The following GLIS3 variants were observed in gnomAD, a reference collection of about 807,000 sequenced individuals.
GLIS3 encodes the protein zinc finger protein GLIS3.
Under a neutral mutation model 78.6 loss-of-function variants are expected in GLIS3, and 53 were observed. The ratio of observed to expected loss-of-function variants is 0.67; its 90% confidence interval spans 0.54 to 0.85. The LOEUF is 0.85. GLIS3 is among the 40% of genes least tolerant of loss of function. The pLI is 0.00. For missense variants in GLIS3, 1,703 were observed against 1,231.1 expected, an observed-to-expected ratio of 1.38 and a Z score of -5.74; for synonymous variants, 684 against 509.9, an observed-to-expected ratio of 1.34 and a Z score of -4.60.
At chr9:4,338,023 G>GGT (rs1563937879) in intron 2 of GLIS3, among the ~76,000 whole-genome samples, 5 of 115,706 alleles carry the variant, frequency 4.3e-5, no homozygotes, top group African/African-American at 1.4e-4. Context: ...GATTGGCAAG[G>GGT]CTGTGTGTGT....
intron 4 of GLIS3, among the ~76,000 whole-genome samples, chr9:4,047,360 G>A (rs1013945475): frequency 3.9e-5 from 6 of 152,142 alleles, no homozygotes; most frequent in Non-Finnish European, 5.9e-5. Context: ...TGATAGTAGT[G>A]TGAAAACGGA....
the GLIS3 span, among the ~76,000 whole-genome samples, chr9:4,362,641 C>T: frequency 0.023 from 3,572 of 152,268 alleles, 157 homozygotes; most frequent in African/African-American, 0.082. Flanking sequence ...CCTTATGCGG[C>T]AATGCCTGGA....
In GLIS3 at chr9:4,125,765, C is replaced by A. The variant is rs1490069551; in HGVS notation, c.565G>T (p.Ala189Ser). The change falls in exon 3 of 11, where the codon GCC becomes TCC. Residue 189 changes from alanine (A) to serine (S), a missense_variant. Ala to Ser is a moderately conservative substitution (Grantham distance 99, BLOSUM62 1). Coordinates refer to ENST00000381971, the MANE Select transcript of GLIS3 (RefSeq NM_001042413.2). Reference protein sequence around the residue: ...SPSLQRAMNAANLNIPPSDTR... With the variant: ...SPSLQRAMNASNLNIPPSDTR... The stretch of plus-strand genomic sequence containing the variant: ...TCTGAAGGAGGTATATTCAGGTTGG[C>A]TGCATTCATTGCCCTCTGTAAGCTA... The A allele has an allele frequency of 2.5e-6, 4 of 1,613,966 alleles. No individual in the cohort carries two copies. Among genetic ancestry groups the A allele is most frequent in the Non-Finnish European group, 3.4e-6 (4 of 1,179,980 alleles).
the GLIS3 span, among the ~76,000 whole-genome samples, chr9:4,373,422 C>T: frequency 6.6e-6 from 1 of 152,236 alleles, no homozygotes; most frequent in Non-Finnish European, 1.5e-5. Context: ...AGGTTAAATC[C>T]TTTCCACATG....
chr9:3,961,264 A>G (rs1009016821), intron 4 of GLIS3, among the ~76,000 whole-genome samples: 5 of 152,236 alleles, frequency 3.3e-5, no homozygotes, highest in Non-Finnish European at 7.3e-5. Context: ...ACAGTATCCC[A>G]TAAGTAACAC....
the GLIS3 span, among the ~76,000 whole-genome samples, chr9:4,398,251 G>C: frequency 6.6e-6 from 1 of 151,720 alleles, no homozygotes; most frequent in East Asian, 1.9e-4. Context: ...ATAAGAAGTA[G>C]CATAAGTGGT....
chr9:4,084,131 T>C (rs1828793515), intron 4 of GLIS3, among the ~76,000 whole-genome samples: 2 of 152,088 alleles, frequency 1.3e-5, no homozygotes, highest in Non-Finnish European at 1.5e-5. Flanking sequence ...TCTGGCTTGG[T>C]AGTATTAAAA....
intron 2 of GLIS3, among the ~76,000 whole-genome samples, chr9:4,257,971 A>T (rs1825140150): frequency 6.6e-6 from 1 of 152,194 alleles, no homozygotes; most frequent in Admixed American, 6.5e-5. Flanking sequence ...GAAGATTTTT[A>T]ATTAAATTTC....
chr9:4,403,120 C>T, the GLIS3 span, among the ~76,000 whole-genome samples: 1 of 152,128 alleles, frequency 6.6e-6, no homozygotes, highest in Admixed American at 6.5e-5. Context: ...TGTCTGGCAG[C>T]AAACTTTTCA....
At chr9:3,829,258 G>C in intron 10 of GLIS3, 52 bp downstream of exon 10, 4 of 1,550,178 alleles carry the variant, frequency 2.6e-6, no homozygotes, top group Non-Finnish European at 3.6e-6. Flanking sequence ...CAGCCCACCT[G>C]GTCTCTCCTG....
intron 2 of GLIS3, among the ~76,000 whole-genome samples, chr9:4,269,818 G>A (rs968368198): frequency 2.6e-5 from 4 of 152,142 alleles, no homozygotes; most frequent in Admixed American, 1.3e-4. Flanking sequence ...AGGTTTAGAC[G>A]GAGGGCAGGA....
intron 6 of GLIS3, among the ~76,000 whole-genome samples, chr9:3,923,408 A>T (rs1045644958): frequency 6.6e-6 from 1 of 152,184 alleles, no homozygotes; most frequent in African/African-American, 2.4e-5. Context: ...AATATAGAGC[A>T]TAGAGACGAA....
At chr9:4,461,482 G>A in the GLIS3 span, among the ~76,000 whole-genome samples, 3 of 152,082 alleles carry the variant, frequency 2.0e-5, no homozygotes, top group South Asian at 6.2e-4. Context: ...CTCACATTCT[G>A]AAATGCCTCT....
chr9:4,098,624 A>G (rs976473329), intron 4 of GLIS3, among the ~76,000 whole-genome samples: 1 of 152,198 alleles, frequency 6.6e-6, no homozygotes, highest in African/African-American at 2.4e-5. Context: ...CCATCGGTGT[A>G]GTTCTAAAAA....
At position 3,998,151 on chromosome 9, in the gene GLIS3, C is replaced by T. The variant is rs80054599; in HGVS notation, c.1711-60962G>A. ...TACTCTTTGAGCATCTCCTTGCTTT[C>T]TGCTCCAAAAAGATGATCTAGACTC... On this transcript the variant is annotated intron_variant, in intron 4 of 10. Coordinates refer to ENST00000381971, the MANE Select transcript of GLIS3 (RefSeq NM_001042413.2). 4.0e-3 allele frequency among the ~76,000 whole-genome samples: 604 copies of T among 152,218 alleles called. 3 individuals are homozygous for T. The highest frequency in any genetic ancestry group is 0.014 in the African/African-American group (581 of 41,550).
At chr9:4,107,902 A>G (rs182438531) in intron 4 of GLIS3, among the ~76,000 whole-genome samples, 106 of 152,334 alleles carry the variant, frequency 7.0e-4, no homozygotes, top group African/African-American at 2.4e-3. Context: ...CACAGTGCAA[A>G]TAACAGAATA....
the GLIS3 span, among the ~76,000 whole-genome samples, chr9:4,482,290 G>C: frequency 5.3e-5 from 8 of 152,214 alleles, no homozygotes; most frequent in African/African-American, 1.9e-4. Flanking sequence ...ATAACTAATA[G>C]ATAAGTTCTT....
intron 7 of GLIS3, among the ~76,000 whole-genome samples, chr9:3,897,712 C>G (rs1016007436): frequency 6.6e-6 from 1 of 152,204 alleles, no homozygotes; most frequent in Non-Finnish European, 1.5e-5. Flanking sequence ...TTTCTCTCTG[C>G]ATCTGAATCA....
Position 4,167,384 on chromosome 9 carries a change from G to T in GLIS3, c.389-41443C>A, listed in dbSNP as rs1293134846. ...AAAGGCTCAGAGGACAAACAGGAAA[G>T]AAAAATAAATATATTAAGCCACTAC... is the stretch of plus-strand genomic sequence containing the variant. On this transcript the variant is annotated intron_variant, in intron 2 of 10. Transcript: ENST00000381971. 5.3e-5 allele frequency among the ~76,000 whole-genome samples: 8 copies of T among 152,266 alleles called. No individual in the cohort carries two copies. The East Asian group carries it at 1.5e-3, about 29-fold the overall frequency.
Sources: allele counts gnomAD v4.1 joint callset (sites outside exome capture counted in the v4.1 genomes callset), GRCh38; gene constraint gnomAD v4.1.1; transcripts MANE v1.5; gene names NCBI Gene and HGNC (gene_info 2026-07-23, HGNC 2026-07-21).